The following RAF1 variants were observed in gnomAD, a reference collection of about 807,000 sequenced individuals.
RAF1 encodes the protein RAF proto-oncogene serine/threonine-protein kinase.
In RAF1, 27 loss-of-function variants were observed where a neutral mutation model predicts 81.1. The observed-to-expected ratio is 0.33, with a 90% CI of 0.25 to 0.46. The LOEUF is 0.46. Ranked by LOEUF, RAF1 falls within the 20% of genes least tolerant of loss-of-function variation. RAF1 has a pLI of 1.00. For synonymous variants in RAF1, 298 were observed against 294.0 expected (o/e 1.01, Z -0.14); for missense variants, 598 against 826.0 (o/e 0.72, Z 3.38).
chr3:12,591,206 C>G (rs1365587150), intron 12 of RAF1, among the ~76,000 whole-genome samples: 2 of 152,162 alleles, frequency 1.3e-5, no homozygotes, highest in Non-Finnish European at 2.9e-5. Flanking sequence ...GCCTTGCTTA[C>G]AGAGAGGACA....
chr3:12,663,775 G>A (rs1261525584), intron 1 of RAF1, 38 bp downstream of exon 1: 14 of 396,226 alleles, frequency 3.5e-5, no homozygotes, highest in Non-Finnish European at 6.2e-5. Context: ...CCCGCCGCCC[G>A]GCTCCCCCGG....
At chr3:12,661,345 C>CT (rs1272288505) in intron 1 of RAF1, among the ~76,000 whole-genome samples, 3 of 152,148 alleles carry the variant, frequency 2.0e-5, no homozygotes, top group Non-Finnish European at 2.9e-5. Flanking sequence ...ACATTCTACA[C>CT]TTTTTTTGAT....
rs556097701 is a variant in RAF1, at chr3:12,619,102, G to A, written c.-26-355C>T. 6.9e-3 allele frequency among the ~76,000 whole-genome samples: 1,055 copies of A among 151,984 alleles called. 6 individuals carry two copies. Among genetic ancestry groups the A allele is most frequent in the African/African-American group, 0.024 (993 of 41,462 alleles). ...CTACTAAAAATACAAAAAATTAGCC[G>A]GGCGTGGTGGCGGGCGCCTGTAGTC... On this transcript the variant is annotated intron_variant, in intron 1 of 17. Coordinates refer to ENST00000442415, the MANE Select transcript of RAF1 (RefSeq NM_001354689.3).
At chr3:12,628,762 G>T (rs1414532829) in intron 1 of RAF1, among the ~76,000 whole-genome samples, 18 of 126,390 alleles carry the variant, frequency 1.4e-4, no homozygotes, top group South Asian at 2.9e-4. Context: ...GGGGGGGGGG[G>T]GTGGCGGGGC....
rs2060964646 is a variant in RAF1 at position 12,663,862 on chromosome 3, C to T, written c.-76G>A. The T allele has an allele frequency of 1.0e-5, 4 of 397,992 alleles. No homozygotes were observed. Among genetic ancestry groups the T allele is most frequent in the Non-Finnish European group, 1.8e-5 (4 of 225,648 alleles). The allele number at this position is 397,992 out of a possible 1,614,324, so 24.7% of individuals were successfully genotyped here. ...GTCCTGTCGTTCGGCGGCAGCTTCT[C>T]GCCCGCTCCTCCTCCCCGCGGCGGG... On this transcript the variant is annotated 5_prime_UTR_variant, in exon 1 of 18. Coordinates refer to ENST00000442415, the MANE Select transcript of RAF1 (RefSeq NM_001354689.3).
intron 1 of RAF1, among the ~76,000 whole-genome samples, chr3:12,636,510 A>G (rs1212685410): frequency 6.7e-6 from 1 of 148,934 alleles, no homozygotes; most frequent in Non-Finnish European, 1.5e-5. Flanking sequence ...AAAAAAAGGG[A>G]CATTTGCTAC....
At chr3:12,636,347 C>A (rs538203823) in intron 1 of RAF1, among the ~76,000 whole-genome samples, 1 of 150,350 alleles carries the variant, frequency 6.7e-6, no homozygotes, top group African/African-American at 2.5e-5. Context: ...ACTTGGGAGG[C>A]TGAGAAATGA....
At chr3:12,646,555 C>CTTT (rs35503570) in intron 1 of RAF1, among the ~76,000 whole-genome samples, 3 of 142,332 alleles carry the variant, frequency 2.1e-5, no homozygotes, top group African/African-American at 7.7e-5. Flanking sequence ...TTGTATTTGT[C>CTTT]TTTTTTTTTT....
intron 1 of RAF1, among the ~76,000 whole-genome samples, chr3:12,646,361 G>C (rs1020750547): frequency 7.0e-6 from 1 of 143,692 alleles, no homozygotes; most frequent in African/African-American, 2.7e-5. Flanking sequence ...ATATAATAAC[G>C]ATATTACCGG....
chr3:12,645,177 A>T (rs1453536680), intron 1 of RAF1, among the ~76,000 whole-genome samples: 1 of 151,886 alleles, frequency 6.6e-6, no homozygotes, highest in East Asian at 1.9e-4. Context: ...TTAAGGTTTT[A>T]AGAGATTCTT....
intron 1 of RAF1, among the ~76,000 whole-genome samples, chr3:12,663,538 G>A (rs1463898619): frequency 4.6e-5 from 7 of 152,256 alleles, no homozygotes; most frequent in African/African-American, 1.2e-4. Context: ...CAAATATGAG[G>A]AATGCGCATG....
At chr3:12,628,258 TGAGA>T (rs2059764331) in intron 1 of RAF1, among the ~76,000 whole-genome samples, 1 of 152,182 alleles carries the variant, frequency 6.6e-6, no homozygotes, top group Non-Finnish European at 1.5e-5. Context: ...CCCAGGAGTT[TGAGA>T]CCAGCCTGGG....
At chr3:12,607,587 A>G (rs2059074103) in intron 5 of RAF1, among the ~76,000 whole-genome samples, 1 of 152,020 alleles carries the variant, frequency 6.6e-6, no homozygotes. Context: ...GGTCGAGGCT[A>G]CAGTGAGCTG....
intron 1 of RAF1, among the ~76,000 whole-genome samples, chr3:12,629,946 C>G (rs577479590): frequency 6.6e-6 from 1 of 152,238 alleles, no homozygotes; most frequent in East Asian, 1.9e-4. Flanking sequence ...CTGAGTCCAG[C>G]TAATTTTTTA....
intron 12 of RAF1, among the ~76,000 whole-genome samples, 171 bp downstream of exon 11, chr3:12,591,537 T>TA (rs2058514412): frequency 6.6e-6 from 1 of 152,108 alleles, no homozygotes; most frequent in South Asian, 2.1e-4. Context: ...CCACATAAAC[T>TA]AAAGGAAACA....
At chr3:12,633,944 A>C (rs1015998750) in intron 1 of RAF1, among the ~76,000 whole-genome samples, 12 of 151,718 alleles carry the variant, frequency 7.9e-5, no homozygotes, top group Non-Finnish European at 1.3e-4. Context: ...CAAAAAAAAA[A>C]AAAAAAACAA....
intron 1 of RAF1, among the ~76,000 whole-genome samples, chr3:12,620,213 C>T (rs1420039641): frequency 6.6e-6 from 1 of 152,160 alleles, no homozygotes; most frequent in African/African-American, 2.4e-5. Flanking sequence ...GCGATCTTGG[C>T]TCACTGAACC....
chr3:12,596,226 G>T (rs554043436), intron 11 of RAF1, among the ~76,000 whole-genome samples: 1 of 136,260 alleles, frequency 7.3e-6, no homozygotes, highest in South Asian at 2.3e-4. Context: ...ATAGAGTCTC[G>T]TTCTGTCGCC....
rs2060964881 is a variant in RAF1 at position 12,663,869 on chromosome 3, T to C, written c.-83A>G. 2.5e-6 allele frequency: 1 copy of C among 397,720 alleles called. No individual in the cohort carries two copies. The highest frequency in any genetic ancestry group is 2.1e-5 in the African/African-American group (1 of 48,528). The allele number at this position is 397,720 out of a possible 1,614,324, so 24.6% of individuals were successfully genotyped here. On this transcript the variant is annotated 5_prime_UTR_variant, in exon 1 of 18. Transcript: ENST00000442415. ...CGTTCGGCGGCAGCTTCTCGCCCGC[T>C]CCTCCTCCCCGCGGCGGGTGAGGGA...
Sources: allele counts gnomAD v4.1 joint callset (sites outside exome capture counted in the v4.1 genomes callset), GRCh38; gene constraint gnomAD v4.1.1; transcripts MANE v1.5; gene names NCBI Gene and HGNC (gene_info 2026-07-23, HGNC 2026-07-21).